Variants in MYO1D observed in about 807,000 individuals in gnomAD.
MYO1D encodes the protein myosin ID, also known as unconventional myosin-Id.
MYO1D carries 83 observed loss-of-function variants against 122.0 expected under a neutral mutation model. The observed-to-expected ratio is 0.68, with a 90% CI of 0.57 to 0.82. MYO1D has a LOEUF of 0.82. Among genes scored for constraint, MYO1D ranks in the 40% least tolerant of loss-of-function variants. MYO1D has a pLI of 0.00. For missense variants in MYO1D, 1,157 were observed against 1,269.5 expected (o/e 0.91, Z 1.35); for synonymous variants, 464 against 446.9 (o/e 1.04, Z -0.48).
chr17:32,503,992 C>T (rs1364863026), intron 21 of MYO1D, among the ~76,000 whole-genome samples: 1 of 152,242 alleles, frequency 6.6e-6, no homozygotes, highest in Non-Finnish European at 1.5e-5. Flanking sequence ...GCAACCAGGC[C>T]AAGTCCAGGA....
chr17:32,791,975 C>G (rs2090357749), intron 1 of MYO1D, among the ~76,000 whole-genome samples: 2 of 151,786 alleles, frequency 1.3e-5, no homozygotes, highest in Admixed American at 6.6e-5. Flanking sequence ...TTTTTTTTCT[C>G]TAATTAAAAT....
At chr17:32,773,090 C>T (rs2090134888) in intron 4 of MYO1D, among the ~76,000 whole-genome samples, 1 of 152,246 alleles carries the variant, frequency 6.6e-6, no homozygotes, top group Non-Finnish European at 1.5e-5. Context: ...TCCTCCTGCT[C>T]TTTGCTCTGT....
intron 19 of MYO1D, among the ~76,000 whole-genome samples, chr17:32,641,776 G>A (rs937492730): frequency 2.0e-5 from 3 of 152,070 alleles, no homozygotes; most frequent in African/African-American, 7.2e-5. Flanking sequence ...CTTGTTGATG[G>A]GGTTGCTTTT....
chr17:32,627,487 T>C (rs896916260), intron 20 of MYO1D, among the ~76,000 whole-genome samples: 3 of 152,204 alleles, frequency 2.0e-5, no homozygotes, highest in African/African-American at 7.2e-5. Context: ...AACGAAATGA[T>C]ATCTTTCTAG....
chr17:32,503,281 T>C (rs1183618304), intron 21 of MYO1D, among the ~76,000 whole-genome samples: 1 of 152,098 alleles, frequency 6.6e-6, no homozygotes, highest in African/African-American at 2.4e-5. Context: ...GGGTTTTAGG[T>C]CAAAGCCAAC....
At position 32,876,929 on chromosome 17, in the gene MYO1D, G is replaced by A. The variant is rs189563170; in HGVS notation, c.-57C>T. 320 of 1,152,720 alleles carry A rather than the reference G, an allele frequency of 2.8e-4. 1 individual carries two copies. In the African/African-American group the frequency reaches 4.7e-3, roughly 17 times the overall value. The allele number at this position is 1,152,720 out of a possible 1,614,324, so 71.4% of individuals were successfully genotyped here. On this transcript the variant is annotated 5_prime_UTR_variant, in exon 1 of 22. Transcript: ENST00000318217. ...TCGGGCCTCCGGGGCCGCTCCGTGG[G>A]CCCGCGATGAGCTCGGGAGGGGCCG...
At chr17:32,502,403 G>A (rs925553245) in intron 21 of MYO1D, among the ~76,000 whole-genome samples, 8 of 152,192 alleles carry the variant, frequency 5.3e-5, no homozygotes, top group Admixed American at 2.0e-4. Context: ...CAAGGGCTGC[G>A]GGGAGTGGGG....
At chr17:32,862,690 A>G (rs1239823827) in intron 1 of MYO1D, among the ~76,000 whole-genome samples, 1 of 151,870 alleles carries the variant, frequency 6.6e-6, no homozygotes, top group African/African-American at 2.4e-5. Flanking sequence ...GTAAGGATAA[A>G]GAATAAAGTG....
chr17:32,572,772 T>G (rs575568277), intron 21 of MYO1D, among the ~76,000 whole-genome samples: 2 of 152,160 alleles, frequency 1.3e-5, no homozygotes, highest in African/African-American at 4.8e-5. Context: ...AATTTCCATT[T>G]TAGGGCCTTT....
chr17:32,522,218 T>C (rs181897170), intron 21 of MYO1D, among the ~76,000 whole-genome samples: 16 of 151,542 alleles, frequency 1.1e-4, no homozygotes, highest in Admixed American at 6.6e-4. Context: ...CTAAAAATGA[T>C]AGAGGTATGA....
intron 16 of MYO1D, among the ~76,000 whole-genome samples, chr17:32,666,205 A>C (rs202178274): frequency 1.4e-4 from 22 of 152,208 alleles, no homozygotes; most frequent in East Asian, 7.7e-4. Flanking sequence ...ATCCCTACCT[A>C]CAGAGGCACC....
At chr17:32,581,210 T>C (rs1223083033) in intron 21 of MYO1D, among the ~76,000 whole-genome samples, 5 of 152,338 alleles carry the variant, frequency 3.3e-5, no homozygotes, top group South Asian at 4.1e-4. Context: ...TAATCTAAGC[T>C]GTCAAATTTA....
chr17:32,730,437 C>T (rs4584872), intron 14 of MYO1D, among the ~76,000 whole-genome samples: 79,428 of 151,920 alleles, frequency 0.52, 21,467 homozygotes, highest in East Asian at 0.73. Context: ...CTTTTCTTTT[C>T]GCATTTCAGA....
intron 21 of MYO1D, among the ~76,000 whole-genome samples, chr17:32,542,944 G>A (rs1213644781): frequency 6.6e-6 from 1 of 152,090 alleles, no homozygotes. Flanking sequence ...TTACGTATCT[G>A]GGCCGGGCAC....
intron 21 of MYO1D, among the ~76,000 whole-genome samples, chr17:32,526,825 A>G (rs1910359109): frequency 6.6e-6 from 1 of 152,208 alleles, no homozygotes; most frequent in Admixed American, 6.5e-5. Context: ...GCCAAGGCAT[A>G]GTTATTCTTG....
intron 10 of MYO1D, 34 bp downstream of exon 10, chr17:32,760,256 C>T (rs1313308143): frequency 2.0e-6 from 3 of 1,496,174 alleles, no homozygotes; most frequent in South Asian, 1.2e-5. Flanking sequence ...ATATGAGAAA[C>T]ACATGAAGGC....
chr17:32,649,652 A>C (rs1436392657), intron 19 of MYO1D, among the ~76,000 whole-genome samples: 1 of 139,812 alleles, frequency 7.2e-6, no homozygotes, highest in Non-Finnish European at 1.5e-5. Context: ...GCTCACTGCA[A>C]CCTCCACCCC....
intron 21 of MYO1D, among the ~76,000 whole-genome samples, chr17:32,549,614 T>C (rs952459812): frequency 1.3e-5 from 2 of 152,192 alleles, no homozygotes; most frequent in African/African-American, 4.8e-5. Context: ...TGCCATGAGT[T>C]GGATGCCATG....
intron 21 of MYO1D, among the ~76,000 whole-genome samples, chr17:32,535,551 G>T (rs946871528): frequency 2.4e-4 from 37 of 152,142 alleles, no homozygotes; most frequent in Non-Finnish European, 4.4e-5. Context: ...TTCAAGACCA[G>T]CCTGGCCAAC....
Sources: gnomAD v4.1 joint callset for allele counts (sites outside exome capture counted in the v4.1 genomes callset) on GRCh38, gnomAD v4.1.1 for gene constraint, MANE v1.5 for transcripts, NCBI Gene and HGNC (gene_info 2026-07-23, HGNC 2026-07-21) for gene names.